The following RBFOX1 variants were observed in gnomAD, a reference collection of about 807,000 sequenced individuals.
RBFOX1 encodes RNA binding fox-1 homolog 1, also known as RNA binding protein fox-1 homolog 1.
A neutral mutation model predicts 57.7 loss-of-function variants in RBFOX1; 8 were observed. The ratio of observed to expected loss-of-function variants is 0.14; its 90% CI spans 0.08 to 0.25. RBFOX1 has a LOEUF of 0.25. Ranked by LOEUF, RBFOX1 falls within the 10% of genes least tolerant of loss-of-function variation. The pLI is 1.00. For synonymous variants in RBFOX1, 326 were observed against 222.4 expected, an observed-to-expected ratio of 1.47 and a Z score of -4.15; for missense variants, 611 against 548.5, an observed-to-expected ratio of 1.11 and a Z score of -1.14.
intron 3 of RBFOX1, among the ~76,000 whole-genome samples, chr16:5,773,011 A>G (rs570356968): frequency 2.8e-4 from 43 of 152,234 alleles, no homozygotes; most frequent in African/African-American, 1.0e-3. Context: ...GCAGGGAGAA[A>G]TGGGCAAGGG....
chr16:7,099,853 G>C (rs554150734), intron 4 of RBFOX1, among the ~76,000 whole-genome samples: 1 of 152,118 alleles, frequency 6.6e-6, no homozygotes, highest in South Asian at 2.1e-4. Flanking sequence ...AGGTTTTATC[G>C]TGCGGTTACA....
chr16:6,366,329 G>C (rs533784711), intron 2 of RBFOX1, among the ~76,000 whole-genome samples: 1 of 152,118 alleles, frequency 6.6e-6, no homozygotes, highest in South Asian at 2.1e-4. Context: ...GAACTATAAA[G>C]ACTTCTACAT....
chr16:6,526,069 A>C (rs2096573570), intron 2 of RBFOX1, among the ~76,000 whole-genome samples: 1 of 152,208 alleles, frequency 6.6e-6, no homozygotes, highest in Non-Finnish European at 1.5e-5. Flanking sequence ...TTACATGACC[A>C]GGTTTTCATT....
At chr16:5,382,412 A>G (rs1354781755) in intron 1 of RBFOX1, among the ~76,000 whole-genome samples, 1 of 149,596 alleles carries the variant, frequency 6.7e-6, no homozygotes, top group African/African-American at 2.5e-5. Flanking sequence ...TTTCAAAGAG[A>G]TGTTGCCAAC....
intron 1 of RBFOX1, among the ~76,000 whole-genome samples, chr16:6,247,459 C>G (rs1567767336): frequency 1.3e-5 from 2 of 152,158 alleles, no homozygotes; most frequent in Non-Finnish European, 2.9e-5. Flanking sequence ...AGGCAGTTAG[C>G]TCATGAATGA....
chr16:7,494,320 G>A (rs2067885913), intron 4 of RBFOX1, among the ~76,000 whole-genome samples: 1 of 152,088 alleles, frequency 6.6e-6, no homozygotes, highest in South Asian at 2.1e-4. Context: ...CGCCCTTTGG[G>A]GAGACCATCT....
chr16:5,540,878 C>G (rs1010980004), intron 2 of RBFOX1, among the ~76,000 whole-genome samples: 1 of 152,200 alleles, frequency 6.6e-6, no homozygotes, highest in Non-Finnish European at 1.5e-5. Context: ...TAGACAGAGT[C>G]TTGCTCTGTC....
At chr16:5,624,979 G>A (rs1246278096) in intron 3 of RBFOX1, among the ~76,000 whole-genome samples, 3 of 152,192 alleles carry the variant, frequency 2.0e-5, no homozygotes, top group Non-Finnish European at 4.4e-5. Flanking sequence ...CCGTGTGATT[G>A]AGGGTGACTC....
intron 4 of RBFOX1, among the ~76,000 whole-genome samples, chr16:7,391,685 A>G (rs748872566): frequency 2.6e-5 from 4 of 152,198 alleles, no homozygotes; most frequent in African/African-American, 4.8e-5. Flanking sequence ...CCCCCAAAAG[A>G]CTGTAAAGGC....
chr16:6,350,191 C>G (rs1220765096), intron 2 of RBFOX1, among the ~76,000 whole-genome samples: 2 of 152,022 alleles, frequency 1.3e-5, no homozygotes, highest in East Asian at 1.9e-4. Context: ...AATCCCAGCT[C>G]TTTAGGAGGC....
intron 4 of RBFOX1, among the ~76,000 whole-genome samples, chr16:7,484,796 G>A (rs1447596458): frequency 1.3e-5 from 2 of 152,136 alleles, no homozygotes; most frequent in African/African-American, 2.4e-5. Context: ...GCTCCCAGAT[G>A]TTTATATTGT....
chr16:7,509,296 C>T (rs1021307343), intron 4 of RBFOX1, among the ~76,000 whole-genome samples: 1 of 151,982 alleles, frequency 6.6e-6, no homozygotes, highest in African/African-American at 2.4e-5. Context: ...ACTGTAAGGT[C>T]TATAGGGACA....
chr16:5,712,672 C>T (rs74895826), intron 3 of RBFOX1, among the ~76,000 whole-genome samples: 7 of 152,300 alleles, frequency 4.6e-5, no homozygotes, highest in Admixed American at 2.0e-4. Flanking sequence ...CCTGTGGTCA[C>T]GTGGTTCATA....
intron 4 of RBFOX1, among the ~76,000 whole-genome samples, chr16:7,479,397 T>G (rs2063427727): frequency 2.0e-5 from 3 of 152,134 alleles, no homozygotes; most frequent in South Asian, 4.2e-4. Context: ...CCCAAAGTGC[T>G]GGGATTACAG....
At chr16:7,133,553 C>G (rs896710977) in intron 4 of RBFOX1, among the ~76,000 whole-genome samples, 4 of 152,122 alleles carry the variant, frequency 2.6e-5, no homozygotes, top group African/African-American at 9.7e-5. Context: ...GAGAGCAGCT[C>G]TTGTCTTAAT....
intron 3 of RBFOX1, among the ~76,000 whole-genome samples, chr16:5,848,166 G>T (rs1166527430): frequency 6.6e-6 from 1 of 152,056 alleles, no homozygotes; most frequent in African/African-American, 2.4e-5. Flanking sequence ...TTGCAAGCAG[G>T]TTGCAGTTTG....
chr16:7,573,249 A>C (rs2092974244), intron 5 of RBFOX1, among the ~76,000 whole-genome samples: 1 of 152,094 alleles, frequency 6.6e-6, no homozygotes, highest in Non-Finnish European at 1.5e-5. Flanking sequence ...GGGTCAGGAA[A>C]AGCAAAGAGG....
chr16:6,356,498 T>C (rs1014556884), intron 2 of RBFOX1, among the ~76,000 whole-genome samples: 2 of 152,212 alleles, frequency 1.3e-5, no homozygotes, highest in African/African-American at 4.8e-5. Flanking sequence ...TTCCTCCCCA[T>C]ACCTATAATT....
At chr16:7,403,525 T>C (rs1235595744) in intron 4 of RBFOX1, among the ~76,000 whole-genome samples, 2 of 150,424 alleles carry the variant, frequency 1.3e-5, no homozygotes, top group Non-Finnish European at 2.9e-5. Flanking sequence ...TAGCATAATG[T>C]CCTCCAGGTT....
Sources: gnomAD v4.1 joint callset for allele counts (sites outside exome capture counted in the v4.1 genomes callset) on GRCh38, gnomAD v4.1.1 for gene constraint, MANE v1.5 for transcripts, NCBI Gene and HGNC (gene_info 2026-07-23, HGNC 2026-07-21) for gene names.